The following CUL1 variants were observed in gnomAD, a reference collection of about 807,000 sequenced individuals.
The protein encoded by CUL1 is cullin-1.
In CUL1, 24 loss-of-function variants were observed where a neutral mutation model predicts 118.0. The observed-to-expected ratio is 0.20, with a 90% CI of 0.15 to 0.29. The LOEUF is 0.29. Ranked by LOEUF, CUL1 falls within the 10% of genes least tolerant of loss-of-function variation. The pLI is 1.00. For synonymous variants in CUL1, 332 were observed against 340.4 expected, an observed-to-expected ratio of 0.98 and a Z score of 0.27; for missense variants, 361 against 933.8, an observed-to-expected ratio of 0.39 and a Z score of 7.99.
At chr7:148,770,740 G>A (rs931462561) in intron 9 of CUL1, among the ~76,000 whole-genome samples, 1 of 152,164 alleles carries the variant, frequency 6.6e-6, no homozygotes, top group African/African-American at 2.4e-5. Flanking sequence ...CCATAGCCTG[G>A]CACACAGTAG....
intron 2 of CUL1, among the ~76,000 whole-genome samples, chr7:148,737,385 G>C (rs978003697): frequency 6.6e-6 from 1 of 151,742 alleles, no homozygotes; most frequent in Non-Finnish European, 1.5e-5. Context: ...TATTTGCTTT[G>C]TATGGGATAT....
Position 148,759,532 on chromosome 7 carries a change from T to C in CUL1, c.535-16T>C. ...TTCTATAACCTGTGTAATATTTTTCTACATCCTTTCTAAAGGTAACAAATG... is the reference window on the plus strand; with the variant it reads ...TTCTATAACCTGTGTAATATTTTTCCACATCCTTTCTAAAGGTAACAAATG... On this transcript the variant is annotated splice_polypyrimidine_tract_variant and intron_variant, in intron 5 of 21. Coordinates refer to ENST00000325222, the MANE Select transcript of CUL1 (RefSeq NM_003592.3). 1 of 1,541,304 alleles carries C rather than the reference T, an allele frequency of 6.5e-7. No individual in the cohort carries two copies. Among genetic ancestry groups the C allele is most frequent in the Non-Finnish European group, 8.9e-7 (1 of 1,120,650 alleles).
chr7:148,725,247 A>ACACACACACACACACACACACACC (rs1249684580), intron 1 of CUL1, among the ~76,000 whole-genome samples: 1 of 150,934 alleles, frequency 6.6e-6, no homozygotes, highest in African/African-American at 2.4e-5. Context: ...ACACACACAC[A>ACACACACACACACACACACACACC]CCCGTACCCC....
intron 21 of CUL1, among the ~76,000 whole-genome samples, chr7:148,799,823 C>T (rs867448106): frequency 6.6e-6 from 1 of 152,210 alleles, no homozygotes; most frequent in Admixed American, 6.5e-5. Flanking sequence ...TCGGGAGGTT[C>T]GTCGCATTGC....
intron 16 of CUL1, 38 bp downstream of exon 16, chr7:148,790,479 AAATG>A (rs1563170395): frequency 6.4e-7 from 1 of 1,563,070 alleles, no homozygotes; most frequent in African/African-American, 1.4e-5. Context: ...TTTCTATTCT[AAATG>A]AACATAAGGC....
intron 2 of CUL1, among the ~76,000 whole-genome samples, chr7:148,738,928 T>C (rs1799048949): frequency 6.6e-6 from 1 of 152,220 alleles, no homozygotes; most frequent in South Asian, 2.1e-4. Flanking sequence ...GTGTGCATGT[T>C]GAGGCAACAG....
At chr7:148,748,361 A>G (rs936779606) in intron 2 of CUL1, among the ~76,000 whole-genome samples, 21 of 152,234 alleles carry the variant, frequency 1.4e-4, no homozygotes, top group African/African-American at 5.1e-4. Flanking sequence ...AAAGACATTT[A>G]AGGAAAATTC....
At chr7:148,797,735 G>C in intron 17 of CUL1, 77 bp from the exon 18 acceptor site, 1 of 955,484 alleles carries the variant, frequency 1.0e-6, no homozygotes, top group African/African-American at 1.7e-5. Flanking sequence ...AAAATGGACT[G>C]TGAGGTTGCC....
At position 148,725,219 on chromosome 7, in the gene CUL1, G is replaced by GCACACACACACACA; in HGVS notation, c.-161-4742_-161-4741insACACACACACACAC. 2.1e-3 allele frequency among the ~76,000 whole-genome samples: 291 copies of GCACACACACACACA among 140,138 alleles called. 1 individual carries two copies. The highest frequency in any genetic ancestry group is 2.8e-3 in the African/African-American group (100 of 35,428). The allele number at this position is 140,138 out of a possible 152,430, so 91.9% of individuals were successfully genotyped here. On this transcript the variant is annotated intron_variant, in intron 1 of 21. Transcript: ENST00000325222. ...CGTGTACACACACACACACGCGCGC[G>GCACACACACACACA]CTCACACACACACACACACACACAC...
chr7:148,753,199 A>G (rs1365214223), intron 2 of CUL1, among the ~76,000 whole-genome samples: 3 of 152,218 alleles, frequency 2.0e-5, no homozygotes, highest in South Asian at 2.1e-4. Context: ...TCTTAATTAT[A>G]CCAGAATATT....
At chr7:148,774,977 G>C (rs1800349807) in intron 9 of CUL1, among the ~76,000 whole-genome samples, 1 of 152,200 alleles carries the variant, frequency 6.6e-6, no homozygotes, top group Admixed American at 6.5e-5. Context: ...AAATTAGGTA[G>C]CTCCGGCAAG....
chr7:148,799,714 C>T (rs1466512202), intron 21 of CUL1, among the ~76,000 whole-genome samples: 1 of 148,934 alleles, frequency 6.7e-6, no homozygotes, highest in East Asian at 2.1e-4. Context: ...GTCGTGTCTT[C>T]TGACACCATA....
chr7:148,783,884 T>G lies in CUL1; in HGVS notation c.1185T>G (p.Leu395=). Residue 395 remains leucine (L), a synonymous_variant, in exon 10 of 22, where the codon CTT becomes CTG. Coordinates refer to ENST00000325222, the MANE Select transcript of CUL1 (RefSeq NM_003592.3). The stretch of plus-strand genomic sequence containing the variant: ...ATGACGCTGGCTTTGTGGCTGCTCT[T>G]GATAAGGTAGGTGCGTGAGGGTTGT... ...FNNDAGFVAA[L]DKACGRFINN... 1 of 1,614,128 alleles carries G rather than the reference T, an allele frequency of 6.2e-7. No homozygotes were observed. Among genetic ancestry groups the G allele is most frequent in the Middle Eastern group, 1.6e-4 (1 of 6,062 alleles).
At chr7:148,763,471 T>C (rs562447209) in intron 7 of CUL1, among the ~76,000 whole-genome samples, 1 of 152,340 alleles carries the variant, frequency 6.6e-6, no homozygotes, top group South Asian at 2.1e-4. Flanking sequence ...AACTGAGCTA[T>C]GAGTCTATTT....
At chr7:148,768,344 G>A (rs1279357184) in intron 9 of CUL1, among the ~76,000 whole-genome samples, 1 of 148,312 alleles carries the variant, frequency 6.7e-6, no homozygotes, top group African/African-American at 2.5e-5. Flanking sequence ...GTGAACTTCA[G>A]TTGTAACTGG....
intron 1 of CUL1, among the ~76,000 whole-genome samples, chr7:148,710,352 C>T (rs1160947302): frequency 2.6e-5 from 4 of 152,140 alleles, no homozygotes; most frequent in East Asian, 3.9e-4. Flanking sequence ...AGCGGATCAC[C>T]TGAGGTCAGG....
At chr7:148,768,778 A>G (rs1396556044) in intron 9 of CUL1, among the ~76,000 whole-genome samples, 1 of 152,120 alleles carries the variant, frequency 6.6e-6, no homozygotes, top group Non-Finnish European at 1.5e-5. Context: ...ATTATTTTTG[A>G]TAGCATTATC....
intron 7 of CUL1, among the ~76,000 whole-genome samples, chr7:148,765,149 C>T (rs894139504): frequency 2.0e-5 from 3 of 152,216 alleles, no homozygotes; most frequent in African/African-American, 7.2e-5. Context: ...TTATTTTTCA[C>T]ATTTAGCTAT....
intron 17 of CUL1, among the ~76,000 whole-genome samples, chr7:148,795,727 G>A (rs1028154763): frequency 2.8e-5 from 4 of 143,862 alleles, no homozygotes; most frequent in East Asian, 2.0e-4. Context: ...CCCTGATTGC[G>A]CCACTGCACT....
Sources: gnomAD v4.1 joint callset for allele counts (sites outside exome capture counted in the v4.1 genomes callset) on GRCh38, gnomAD v4.1.1 for gene constraint, MANE v1.5 for transcripts, NCBI Gene and HGNC (gene_info 2026-07-23, HGNC 2026-07-21) for gene names.